The following MORN1 variants were observed in gnomAD, a reference collection of about 807,000 sequenced individuals.
MORN1 encodes MORN repeat-containing protein 1.
In MORN1, 67 loss-of-function variants were observed where a neutral mutation model predicts 61.9. That is an observed-to-expected ratio of 1.08 (90% CI 0.89 to 1.33). The LOEUF (loss-of-function observed/expected upper bound fraction) is 1.33, where lower values mean the gene tolerates loss of function less well. Ranked by LOEUF, MORN1 falls within the 40% of genes most tolerant of loss-of-function variation. The pLI is 0.00. For missense variants in MORN1, 752 were observed against 691.2 expected (o/e 1.09, Z -0.99); for synonymous variants, 301 against 292.0 (o/e 1.03, Z -0.31).
chr1:2,369,221 GCAGGCGCCTGTAGTCT>G (rs1340182391), intron 8 of MORN1, among the ~76,000 whole-genome samples: 12 of 151,906 alleles, frequency 7.9e-5, no homozygotes, highest in Non-Finnish European at 1.5e-4. Context: ...GGGCATGGTG[GCAGGCGCCTGTAGTCT>G]CAGCTACTCA....
chr1:2,341,228 G>A (rs546685376), intron 10 of MORN1, among the ~76,000 whole-genome samples: 3 of 152,118 alleles, frequency 2.0e-5, no homozygotes, highest in Admixed American at 6.5e-5. Flanking sequence ...TGTCCCCAGC[G>A]GTCCCCAACT....
chr1:2,358,591 C>T lies in MORN1; in HGVS notation c.869+1G>A. 1 of 1,614,098 alleles carries T rather than the reference C, an allele frequency of 6.2e-7. No individual in the cohort carries two copies. Among genetic ancestry groups the T allele is most frequent in the East Asian group, 2.2e-5 (1 of 44,884 alleles). On this transcript the variant is annotated splice_donor_variant, in intron 9 of 13. Transcript: ENST00000378531. LOFTEE classifies it high-confidence loss of function. ...AACTCATTGGTGTCACACGTACTCA[C>T]AATGGGGTCTGGATGAGTGTCTCTT...
At position 2,355,218 on chromosome 1, in the gene MORN1, T is replaced by C. The variant is rs191305022; in HGVS notation, c.1036+2214A>G. The C allele has an allele frequency of 2.9e-6, 4 of 1,367,410 alleles. No homozygotes were observed. In the East Asian group the frequency reaches 1.1e-4, roughly 38 times the overall value. The allele number at this position is 1,367,410 out of a possible 1,614,324, so 84.7% of individuals were successfully genotyped here. ...GCAGAAATATGAGAGCTATTCCACC[T>C]ATGCGGTGTGGAACTGCTTCTATCA... On this transcript the variant is annotated intron_variant, in intron 10 of 13. Coordinates refer to ENST00000378531, the MANE Select transcript of MORN1 (RefSeq NM_024848.3).
At chr1:2,323,267 C>G (rs2100214566) in intron 13 of MORN1, 6 of 985,418 alleles carry the variant, frequency 6.1e-6, no homozygotes, top group Non-Finnish European at 7.2e-6. Flanking sequence ...GTGCCGTCCC[C>G]ACGACCAGGG....
At position 2,332,232 on chromosome 1, in the gene MORN1, C is replaced by T. The variant is rs112913615; in HGVS notation, c.1250+4237G>A. The T allele has an allele frequency of 1.4e-5, 3 of 214,768 alleles. No individual in the cohort carries two copies. In the Admixed American group the frequency reaches 1.7e-4, roughly 12 times the overall value. The allele number at this position is 214,768 out of a possible 1,614,324, so 13.3% of individuals were successfully genotyped here. On this transcript the variant is annotated intron_variant, in intron 12 of 13. Transcript: ENST00000378531. ...GTCCTCCTGAGGGCACCGGCGTCCC[C>T]CAGTGGATGCTGAGAGGAGCTCCTG...
At chr1:2,325,124 TTCCTTCCTTCCCTCCCTCCC>T (rs2100221174) in intron 12 of MORN1, among the ~76,000 whole-genome samples, 1 of 55,808 alleles carries the variant, frequency 1.8e-5, no homozygotes, top group Non-Finnish European at 3.2e-5. Context: ...CTTCCTTCCC[TTCCTTCCTTCCCTCCCTCCC>T]TCCCTTCCTT....
intron 10 of MORN1, among the ~76,000 whole-genome samples, chr1:2,348,745 GCACGCACACA>G (rs1156526198): frequency 4.5e-5 from 5 of 110,702 alleles, no homozygotes; most frequent in East Asian, 2.7e-4. Context: ...ACCTGCGCGG[GCACGCACACA>G]CACGCACACC....
chr1:2,351,941 A>T (rs777454974), intron 10 of MORN1: 21 of 518,976 alleles, frequency 4.0e-5, no homozygotes, highest in Non-Finnish European at 7.2e-5. Context: ...CGGGCCCACC[A>T]ATTGGGCTTC....
chr1:2,339,604 C>A (rs1008415892), intron 10 of MORN1, among the ~76,000 whole-genome samples: 4 of 152,200 alleles, frequency 2.6e-5, no homozygotes, highest in Non-Finnish European at 5.9e-5. Context: ...TGTACCTGGA[C>A]CCCCAAGGCT....
chr1:2,359,858 G>A (rs940677916), intron 8 of MORN1, among the ~76,000 whole-genome samples: 1 of 151,090 alleles, frequency 6.6e-6, no homozygotes, highest in African/African-American at 2.4e-5. Flanking sequence ...ACTCCAGCCA[G>A]GGCGACAGAG....
intron 13 of MORN1, chr1:2,322,849 C>T (rs975996701): frequency 5.9e-5 from 58 of 985,414 alleles, no homozygotes; most frequent in African/African-American, 4.7e-4. Context: ...GCTGGCGTCC[C>T]GGCGGATGGG....
intron 5 of MORN1, chr1:2,385,280 G>A (rs1230459001): frequency 1.7e-6 from 1 of 588,366 alleles, no homozygotes; most frequent in African/African-American, 1.9e-5. Context: ...ACCCTAGATG[G>A]TAGGCCTGCT....
chr1:2,347,414 T>TGGGGCACTCCATGG (rs932129811), intron 10 of MORN1, among the ~76,000 whole-genome samples: 2 of 152,060 alleles, frequency 1.3e-5, no homozygotes, highest in African/African-American at 4.8e-5. Flanking sequence ...AAGCAGGGTA[T>TGGGGCACTCCATGG]GGGGCACTCC....
chr1:2,389,841 T>G, intron 2 of MORN1, 84 bp downstream of exon 2: 1 of 1,244,542 alleles, frequency 8.0e-7, no homozygotes, highest in Admixed American at 1.7e-5. Flanking sequence ...GAAATGCCAC[T>G]TGCCCACCCA....
intron 8 of MORN1, among the ~76,000 whole-genome samples, chr1:2,363,811 A>ACAAAAT (rs1553217340): frequency 7.4e-6 from 1 of 135,100 alleles, no homozygotes; most frequent in Admixed American, 7.2e-5. Flanking sequence ...CAAACAAAAA[A>ACAAAAT]ATATATATAT....
chr1:2,389,628 A>G (rs1642593475), intron 2 of MORN1, among the ~76,000 whole-genome samples: 1 of 152,222 alleles, frequency 6.6e-6, no homozygotes, highest in African/African-American at 2.4e-5. Context: ...TTCTCTTTAT[A>G]ATAGGAAATA....
intron 13 of MORN1, chr1:2,322,500 A>G (rs1640904978): frequency 1.0e-6 from 1 of 985,294 alleles, no homozygotes; most frequent in South Asian, 4.7e-5. Flanking sequence ...AGGGCTGGAC[A>G]AGAGCAAGCC....
At position 2,321,581 on chromosome 1, in the gene MORN1, T is replaced by G. The variant is rs1445511187; in HGVS notation, c.1298-2A>C. The G allele has an allele frequency of 6.7e-7, 1 of 1,486,854 alleles. No individual in the cohort carries two copies. The highest frequency in any genetic ancestry group is 2.3e-5 in the Admixed American group (1 of 42,806). 92.1% of individuals were successfully genotyped at this position (1,486,854 alleles called of 1,614,324 possible). On this transcript the variant is annotated splice_acceptor_variant, in intron 13 of 13. Coordinates refer to ENST00000378531, the MANE Select transcript of MORN1 (RefSeq NM_024848.3). LOFTEE classifies it high-confidence loss of function. ...CGCGGATCATGAGCACGTACTCCCC[T>G]GCAAGGGGCGGGTGGGCTGGTCCTC...
At chr1:2,388,112 GC>G (rs1642548715) in intron 3 of MORN1, 126 bp downstream of exon 3, 1 of 720,724 alleles carries the variant, frequency 1.4e-6, no homozygotes, top group African/African-American at 1.8e-5. Context: ...TTCTCGGTAG[GC>G]CAGGCCTCTC....
Sources: gnomAD v4.1 joint callset for allele counts (sites outside exome capture counted in the v4.1 genomes callset) on GRCh38, gnomAD v4.1.1 for gene constraint, MANE v1.5 for transcripts, NCBI Gene and HGNC (gene_info 2026-07-23, HGNC 2026-07-21) for gene names.